The following LINGO1 variants were observed in gnomAD, a reference collection of about 807,000 sequenced individuals.
LINGO1 encodes leucine-rich repeat and immunoglobulin-like domain-containing nogo receptor-interacting protein 1.
LINGO1 carries 11 observed loss-of-function variants against 37.3 expected under a neutral mutation model. That is an observed-to-expected ratio of 0.29 (90% CI 0.19 to 0.49). The LOEUF (loss-of-function observed/expected upper bound fraction) is 0.49. Among genes scored for constraint, LINGO1 ranks in the 20% least tolerant of loss-of-function variants. The probability of loss-of-function intolerance (pLI) is 0.99; values close to 1 mark genes in which losing one functional copy is unlikely to be tolerated. For missense variants in LINGO1, 585 were observed against 878.2 expected (o/e 0.67, Z 4.22); for synonymous variants, 387 against 403.0 (o/e 0.96, Z 0.48).
chr15:77,819,248 C>A (rs1289632455), intron 1 of LINGO1: 3 of 149,260 alleles, frequency 2.0e-5, no homozygotes, highest in African/African-American at 7.3e-5. Flanking sequence ...CCCGCTGCAG[C>A]GTCCCGGCCC....
chr15:77,739,182 C>T (rs1471556122), intron 1 of LINGO1, among the ~76,000 whole-genome samples: 4 of 152,222 alleles, frequency 2.6e-5, no homozygotes, highest in East Asian at 3.9e-4. Context: ...CAGCTGGTGC[C>T]GCTGCCAGGC....
intron 1 of LINGO1, among the ~76,000 whole-genome samples, chr15:77,622,754 C>T (rs763454695): frequency 9.2e-5 from 14 of 152,190 alleles, no homozygotes; most frequent in Admixed American, 2.0e-4. Flanking sequence ...TGACGGTCAC[C>T]CCAGCCCGGG....
At chr15:77,631,045 C>T (rs531140231) in intron 1 of LINGO1, among the ~76,000 whole-genome samples, 1 of 152,328 alleles carries the variant, frequency 6.6e-6, no homozygotes, top group South Asian at 2.1e-4. Context: ...GCAGCTGGCC[C>T]TCTTCTCCTC....
At chr15:77,745,670 A>G (rs2076307091) in intron 1 of LINGO1, among the ~76,000 whole-genome samples, 1 of 152,172 alleles carries the variant, frequency 6.6e-6, no homozygotes, top group Non-Finnish European at 1.5e-5. Context: ...CCCTGTGCCA[A>G]TCACCTCATA....
intron 2 of LINGO1, among the ~76,000 whole-genome samples, chr15:77,726,198 G>A (rs2076100617): frequency 6.6e-6 from 1 of 152,198 alleles, no homozygotes. Flanking sequence ...CTCTACACAA[G>A]TCCTCCTGAG....
intron 1 of LINGO1, among the ~76,000 whole-genome samples, chr15:77,763,151 G>A (rs1476146201): frequency 2.0e-5 from 3 of 152,178 alleles, no homozygotes; most frequent in African/African-American, 4.8e-5. Flanking sequence ...CTGTGGGATC[G>A]GCGGGCACAA....
At chr15:77,773,981 A>C (rs992423005) in intron 1 of LINGO1, among the ~76,000 whole-genome samples, 3 of 152,120 alleles carry the variant, frequency 2.0e-5, no homozygotes, top group Non-Finnish European at 4.4e-5. Flanking sequence ...ACACTGGGTC[A>C]GGAGTTCCTG....
intron 2 of LINGO1, among the ~76,000 whole-genome samples, chr15:77,702,847 C>T (rs943972427): frequency 1.3e-5 from 2 of 152,224 alleles, no homozygotes; most frequent in African/African-American, 4.8e-5. Context: ...CCATACAGCA[C>T]TGAGACTTCA....
intron 2 of LINGO1, among the ~76,000 whole-genome samples, chr15:77,685,660 C>A (rs892694030): frequency 5.3e-5 from 8 of 150,126 alleles, no homozygotes; most frequent in African/African-American, 1.7e-4. Context: ...GAGTTTGAGA[C>A]CAGCCTGGGC....
chr15:77,622,437 G>C (rs531492494), intron 1 of LINGO1, among the ~76,000 whole-genome samples: 1 of 152,128 alleles, frequency 6.6e-6, no homozygotes. Flanking sequence ...ACACAGCCCC[G>C]TCCCGGCCAC....
At chr15:77,634,216 C>A (rs953532263), upstream of LINGO1, 5 of 446,018 alleles carry the variant, frequency 1.1e-5, no homozygotes, top group South Asian at 7.8e-5. Context: ...CTCCCCACCC[C>A]CAACAGCACC....
intron 2 of LINGO1, among the ~76,000 whole-genome samples, chr15:77,733,432 C>T (rs2076172448): frequency 6.6e-6 from 1 of 152,116 alleles, no homozygotes; most frequent in Non-Finnish European, 1.5e-5. Flanking sequence ...CAGCTCCCAC[C>T]CCCATGCCAT....
chr15:77,624,273 C>T (rs2074025289), intron 1 of LINGO1, among the ~76,000 whole-genome samples: 1 of 151,836 alleles, frequency 6.6e-6, no homozygotes. Flanking sequence ...TGCCTCTCCT[C>T]CCCCACTCCC....
intron 2 of LINGO1, among the ~76,000 whole-genome samples, chr15:77,686,084 A>C (rs1262892322): frequency 1.3e-5 from 2 of 152,118 alleles, no homozygotes; most frequent in Non-Finnish European, 2.9e-5. Flanking sequence ...TGGAAATCCA[A>C]AGGGGTGGGA....
upstream of LINGO1, among the ~76,000 whole-genome samples, chr15:77,699,075 A>G (rs1377957467): frequency 6.6e-6 from 1 of 151,956 alleles, no homozygotes; most frequent in East Asian, 1.9e-4. Context: ...TCCTGAGCTC[A>G]CTCACGCTGC....
At chr15:77,679,509 C>T (rs897711068) in intron 2 of LINGO1, among the ~76,000 whole-genome samples, 19 of 152,146 alleles carry the variant, frequency 1.2e-4, no homozygotes, top group Admixed American at 3.3e-4. Context: ...ATTCTGAGTG[C>T]TTTACTCATA....
chr15:77,683,584 T>C (rs1239368839), intron 2 of LINGO1, among the ~76,000 whole-genome samples: 1 of 152,158 alleles, frequency 6.6e-6, no homozygotes, highest in Non-Finnish European at 1.5e-5. Context: ...GCCCACAATA[T>C]ACTGGGAAGT....
At chr15:77,810,200 G>A (rs2076992384) in intron 1 of LINGO1, among the ~76,000 whole-genome samples, 1 of 151,596 alleles carries the variant, frequency 6.6e-6, no homozygotes, top group Non-Finnish European at 1.5e-5. Context: ...CTCCTCTCGG[G>A]TAAGTAACTA....
Position 77,753,768 on chromosome 15 carries a change from C to T in LINGO1, c.-256-18715G>A, listed in dbSNP as rs117563488. 6.0e-3 allele frequency among the ~76,000 whole-genome samples: 918 copies of T among 152,360 alleles called. 6 individuals carry two copies. The highest frequency in any genetic ancestry group is 0.011 in the Non-Finnish European group (721 of 68,036). ...CACACACCAAGTGTGCACACACAAA[C>T]ACACACACGATGTTTATCTAAACAA... On this transcript the variant is annotated intron_variant, in intron 1 of 3. Coordinates refer to the LINGO1 transcript ENST00000561686.
Sources: gnomAD v4.1 joint callset for allele counts (sites outside exome capture counted in the v4.1 genomes callset) on GRCh38, gnomAD v4.1.1 for gene constraint, MANE v1.5 for transcripts, NCBI Gene and HGNC (gene_info 2026-07-23, HGNC 2026-07-21) for gene names.